Variants in CTNNA3 observed in about 807,000 individuals in gnomAD.
CTNNA3 encodes catenin alpha-3.
In CTNNA3, 76 loss-of-function variants were observed where a neutral mutation model predicts 95.7. That is an observed-to-expected ratio of 0.79 (90% confidence interval 0.66 to 0.96). CTNNA3 has a LOEUF of 0.96. Among genes scored for constraint, CTNNA3 ranks in the 40% least tolerant of loss-of-function variants. The probability of loss-of-function intolerance (pLI) is 0.00; values close to 1 mark genes in which losing one functional copy is unlikely to be tolerated. For synonymous variants in CTNNA3, 431 were observed against 374.4 expected, an observed-to-expected ratio of 1.15 and a Z score of -1.74; for missense variants, 1,191 against 1,089.8, an observed-to-expected ratio of 1.09 and a Z score of -1.31.
intron 15 of CTNNA3, among the ~76,000 whole-genome samples, chr10:66,036,632 T>A (rs1194658532): frequency 6.6e-6 from 1 of 152,068 alleles, no homozygotes; most frequent in Non-Finnish European, 1.5e-5. Flanking sequence ...CACCTCAGCC[T>A]CCCAATGTGT....
chr10:66,716,160 T>C (rs1215316380), intron 9 of CTNNA3, among the ~76,000 whole-genome samples: 1 of 152,104 alleles, frequency 6.6e-6, no homozygotes, highest in Non-Finnish European at 1.5e-5. Context: ...AGGAGTACTA[T>C]GATTTATTTA....
intron 10 of CTNNA3, among the ~76,000 whole-genome samples, chr10:66,598,300 C>G (rs573033502): frequency 1.9e-4 from 29 of 152,158 alleles, no homozygotes; most frequent in African/African-American, 6.0e-4. Context: ...CCACAGCTAA[C>G]ATCACACTCA....
intron 9 of CTNNA3, among the ~76,000 whole-genome samples, chr10:66,654,143 GGAAATAATTAACAGAGTGAAGAGACAACC>G (rs1005864092): frequency 1.3e-5 from 2 of 151,792 alleles, no homozygotes; most frequent in Non-Finnish European, 2.9e-5. Context: ...TCACAGCCAA[GGAAATAATTAACAGAGTGAAGAGACAACC>G]TATGGAATGG....
At chr10:66,714,809 A>G (rs1205795801) in intron 9 of CTNNA3, among the ~76,000 whole-genome samples, 1 of 152,140 alleles carries the variant, frequency 6.6e-6, no homozygotes, top group Non-Finnish European at 1.5e-5. Context: ...CTAAAGTCAT[A>G]TTTTTAAAAG....
intron 11 of CTNNA3, among the ~76,000 whole-genome samples, chr10:66,470,833 A>G (rs1589295202): frequency 1.3e-5 from 2 of 151,904 alleles, no homozygotes; most frequent in Non-Finnish European, 2.9e-5. Context: ...ATTCTCTTGA[A>G]AAGAATAGAC....
At chr10:66,006,217 GT>G (rs1414571282) in intron 15 of CTNNA3, among the ~76,000 whole-genome samples, 2 of 151,890 alleles carry the variant, frequency 1.3e-5, no homozygotes, top group African/African-American at 4.8e-5. Context: ...GCTTCACAGT[GT>G]TAGCCAGGAT....
chr10:66,629,465 C>A (rs1845057270), intron 9 of CTNNA3, among the ~76,000 whole-genome samples: 1 of 152,018 alleles, frequency 6.6e-6, no homozygotes, highest in Non-Finnish European at 1.5e-5. Flanking sequence ...ACTTTTGCAC[C>A]AACCTATATT....
chr10:67,340,894 CA>C (rs1842160067), intron 5 of CTNNA3, among the ~76,000 whole-genome samples: 1 of 152,182 alleles, frequency 6.6e-6, no homozygotes, highest in Non-Finnish European at 1.5e-5. Flanking sequence ...CTGAATAGTA[CA>C]TTTTTTTCAA....
rs144739759 is a variant in CTNNA3, at chr10:66,740,067, T to C, written c.1281+26197A>G. Among the ~76,000 whole-genome samples, 1,438 of 152,350 alleles carry C rather than the reference T, an allele frequency of 9.4e-3. 13 individuals are homozygous for C. Among genetic ancestry groups the C allele is most frequent in the South Asian group, 0.048 (231 of 4,832 alleles). ...GGGGAATCATGTCTTGAGTGCAGAATTGTGGGTCACTGTGTTTCTCTTTCT... is the reference window on the plus strand; with the variant it reads ...GGGGAATCATGTCTTGAGTGCAGAACTGTGGGTCACTGTGTTTCTCTTTCT... On this transcript the variant is annotated intron_variant, in intron 9 of 17. Coordinates refer to ENST00000433211, the MANE Select transcript of CTNNA3 (RefSeq NM_013266.4).
intron 11 of CTNNA3, among the ~76,000 whole-genome samples, chr10:66,504,046 A>AT (rs879282697): frequency 9.9e-5 from 15 of 152,094 alleles, no homozygotes; most frequent in Non-Finnish European, 1.5e-4. Context: ...ATACTTAATC[A>AT]TTTTTTTATA....
chr10:67,026,738 T>C (rs75079006), intron 7 of CTNNA3, among the ~76,000 whole-genome samples: 16,835 of 152,208 alleles, frequency 0.11, 1,169 homozygotes, highest in South Asian at 0.29. Context: ...TTAAAACCTC[T>C]TCTGTCTGGT....
intron 5 of CTNNA3, among the ~76,000 whole-genome samples, chr10:67,405,726 A>G (rs185345780): frequency 6.6e-6 from 1 of 152,266 alleles, no homozygotes; most frequent in East Asian, 1.9e-4. Flanking sequence ...ATAGAACTCT[A>G]CACCCCAGAA....
intron 15 of CTNNA3, among the ~76,000 whole-genome samples, chr10:66,048,488 C>T (rs894344045): frequency 5.3e-5 from 8 of 152,214 alleles, no homozygotes; most frequent in Non-Finnish European, 7.4e-5. Flanking sequence ...AGGCTCAGCG[C>T]GGTGGCTCAC....
At chr10:66,768,735 A>G (rs1304524107) in intron 8 of CTNNA3, among the ~76,000 whole-genome samples, 1 of 152,096 alleles carries the variant, frequency 6.6e-6, no homozygotes, top group East Asian at 1.9e-4. Flanking sequence ...AGTGAATATT[A>G]CAATAATACA....
chr10:65,959,244 G>A (rs975255394), intron 17 of CTNNA3, among the ~76,000 whole-genome samples: 2 of 152,174 alleles, frequency 1.3e-5, no homozygotes, highest in Non-Finnish European at 2.9e-5. Flanking sequence ...CATTGGAAAA[G>A]CACAGTATTA....
chr10:67,067,218 T>G (rs758573997), intron 7 of CTNNA3, among the ~76,000 whole-genome samples: 5 of 152,172 alleles, frequency 3.3e-5, no homozygotes, highest in Non-Finnish European at 5.9e-5. Flanking sequence ...AGTGAAACAA[T>G]TTTTAAGTAT....
chr10:67,442,247 G>C (rs1348484190), intron 5 of CTNNA3, among the ~76,000 whole-genome samples: 1 of 151,914 alleles, frequency 6.6e-6, no homozygotes, highest in Non-Finnish European at 1.5e-5. Context: ...ATAAAAAGCA[G>C]TAAATTAAAT....
intron 11 of CTNNA3, among the ~76,000 whole-genome samples, chr10:66,468,342 A>G (rs575548705): frequency 2.0e-4 from 31 of 152,208 alleles, no homozygotes; most frequent in Admixed American, 3.3e-4. Flanking sequence ...GTGTAGGAAC[A>G]GTACATACAA....
chr10:67,430,358 C>T (rs2132894392), intron 5 of CTNNA3, among the ~76,000 whole-genome samples: 1 of 151,994 alleles, frequency 6.6e-6, no homozygotes, highest in African/African-American at 2.4e-5. Flanking sequence ...TTCAACTCCC[C>T]TAGTGTCCAT....
Sources: gnomAD v4.1 joint callset for allele counts (sites outside exome capture counted in the v4.1 genomes callset) on GRCh38, gnomAD v4.1.1 for gene constraint, MANE v1.5 for transcripts, NCBI Gene and HGNC (gene_info 2026-07-23, HGNC 2026-07-21) for gene names.